The following LRP1B variants were observed in gnomAD, a reference collection of about 807,000 sequenced individuals.
The protein encoded by LRP1B is low-density lipoprotein receptor-related protein 1B.
Under a neutral mutation model 556.6 loss-of-function variants are expected in LRP1B, and 217 were observed. The observed-to-expected ratio is 0.39, with a 90% CI of 0.35 to 0.44. The LOEUF (loss-of-function observed/expected upper bound fraction) is 0.44, where lower values mean the gene tolerates loss of function less well. Ranked by LOEUF, LRP1B falls within the 20% of genes least tolerant of loss-of-function variation. LRP1B has a pLI of 1.00. For missense variants in LRP1B, 5,053 were observed against 5,620.8 expected (o/e 0.90, Z 3.23); for synonymous variants, 2,047 against 1,865.8 (o/e 1.10, Z -2.50).
In LRP1B at chr2:142,015,732, G is replaced by A. The variant is rs563124890; in HGVS notation, c.82+114916C>T. Among the ~76,000 whole-genome samples, 137 of 152,010 alleles carry A rather than the reference G, an allele frequency of 9.0e-4. No individual in the cohort carries two copies. In the Middle Eastern group the frequency reaches 0.017, roughly 19 times the overall value. ...GAAGGGGCCAGGCACAGTGGCTCACGTCTGTAATCCCAGCACTTTGGGAGG... is the reference window on the plus strand; with the variant it reads ...GAAGGGGCCAGGCACAGTGGCTCACATCTGTAATCCCAGCACTTTGGGAGG... On this transcript the variant is annotated intron_variant, in intron 1 of 90. Transcript: ENST00000389484.
intron 86 of LRP1B, among the ~76,000 whole-genome samples, chr2:140,253,255 CAGAA>C (rs1487392406): frequency 2.6e-5 from 4 of 151,826 alleles, no homozygotes; most frequent in African/African-American, 9.7e-5. Context: ...AAAATTTGAT[CAGAA>C]AGAGTTTTTG....
chr2:141,592,067 C>T, intron 2 of LRP1B, among the ~76,000 whole-genome samples: 1 of 152,086 alleles, frequency 6.6e-6, no homozygotes, highest in East Asian at 1.9e-4. Flanking sequence ...TGCCCCACCA[C>T]TCCCCTCAAC....
chr2:141,418,432 A>ATT (rs373970330), intron 3 of LRP1B, among the ~76,000 whole-genome samples: 4,147 of 140,860 alleles, frequency 0.029, 245 homozygotes, highest in African/African-American at 0.1. Context: ...AGAGCACAAT[A>ATT]TTTTTTTTTT....
At position 140,344,877 on chromosome 2, in the gene LRP1B, G is replaced by A. The variant is rs1220045326; in HGVS notation, c.11892+5920C>T. On this transcript the variant is annotated intron_variant, in intron 77 of 90. Coordinates refer to ENST00000389484, the MANE Select transcript of LRP1B (RefSeq NM_018557.3). ...TAAGAGGGGTGAAGAACAGGAGCAA[G>A]CAAAAGAGACTGAGTAAGTGAGGGG... Among the ~76,000 whole-genome samples, 3 of 151,550 alleles carry A rather than the reference G, an allele frequency of 2.0e-5. No individual in the cohort carries two copies. In the East Asian group the frequency reaches 5.9e-4, roughly 30 times the overall value.
chr2:140,879,151 T>C (rs1056818402), intron 25 of LRP1B, among the ~76,000 whole-genome samples: 3 of 152,218 alleles, frequency 2.0e-5, no homozygotes, highest in African/African-American at 7.2e-5. Flanking sequence ...AGACTTCTGA[T>C]GCATCATCTT....
intron 3 of LRP1B, among the ~76,000 whole-genome samples, chr2:141,260,094 T>C (rs2105349813): frequency 6.6e-6 from 1 of 152,278 alleles, no homozygotes; most frequent in East Asian, 1.9e-4. Context: ...TCTTGATGTC[T>C]CCTGGAGAAG....
chr2:141,209,802 T>C, intron 6 of LRP1B, among the ~76,000 whole-genome samples: 1 of 151,942 alleles, frequency 6.6e-6, no homozygotes, highest in East Asian at 1.9e-4. Context: ...GCCCTCAAAC[T>C]CACAGACACA....
intron 7 of LRP1B, among the ~76,000 whole-genome samples, chr2:141,182,907 A>C (rs912222019): frequency 1.3e-5 from 2 of 151,972 alleles, no homozygotes; most frequent in Non-Finnish European, 2.9e-5. Flanking sequence ...AAATGTAAAT[A>C]AGCATTTTAA....
In LRP1B at chr2:141,698,519, AT is replaced by A. The variant is rs140513237; in HGVS notation, c.205+111759del. On this transcript the variant is annotated intron_variant, in intron 2 of 90. Coordinates refer to ENST00000389484, the MANE Select transcript of LRP1B (RefSeq NM_018557.3). The stretch of plus-strand genomic sequence containing the variant: ...AAAAAAAAAAAAAAAGAGTTTGACT[AT>A]TTTTTGCTTTTGACAGATTGAAACA... Among the ~76,000 whole-genome samples the A allele has an allele frequency of 1.5e-3, 234 of 151,064 alleles. 1 individual carries two copies. Among genetic ancestry groups the A allele is most frequent in the African/African-American group, 5.4e-3 (224 of 41,222 alleles).
At chr2:141,258,556 C>A (rs1006377621) in intron 3 of LRP1B, among the ~76,000 whole-genome samples, 2 of 152,244 alleles carry the variant, frequency 1.3e-5, no homozygotes, top group Middle Eastern at 6.8e-3. Context: ...TGACACAGAT[C>A]CACTTTGTTC....
At chr2:141,997,805 G>A (rs1194486178) in intron 1 of LRP1B, among the ~76,000 whole-genome samples, 1 of 151,846 alleles carries the variant, frequency 6.6e-6, no homozygotes, top group Non-Finnish European at 1.5e-5. Context: ...TGCTGCATAA[G>A]GGACCTAAAA....
intron 1 of LRP1B, among the ~76,000 whole-genome samples, chr2:142,060,785 T>C (rs9941695): frequency 0.59 from 89,460 of 151,930 alleles, 28,075 homozygotes; most frequent in East Asian, 0.69. Flanking sequence ...TTCCAATTTG[T>C]AAAATCAGCT....
rs1229792066 is a variant in LRP1B at position 140,503,103 on chromosome 2, C to T, written c.8522G>A (p.Gly2841Glu). The change falls in exon 54 of 91, where the codon GGA becomes GAA. Residue 2841 changes from glycine (G) to glutamate (E), a missense_variant and splice_region_variant. By Grantham distance (98) the Gly-to-Glu change is moderately conservative. Coordinates refer to ENST00000389484, the MANE Select transcript of LRP1B (RefSeq NM_018557.3). ...GDGSDESPQC[G>E]YRQCGTEEFS... ...TTCTTCTGTACCACACTGTCGATAT[C>T]CTAGAGACGCAGAAAAAACATTTGA... The T allele has an allele frequency of 6.2e-7, 1 of 1,612,126 alleles. No homozygotes were observed. Among genetic ancestry groups the T allele is most frequent in the East Asian group, 2.2e-5 (1 of 44,824 alleles).
chr2:142,009,957 T>C (rs1702904886), intron 1 of LRP1B, among the ~76,000 whole-genome samples: 1 of 152,176 alleles, frequency 6.6e-6, no homozygotes, highest in South Asian at 2.1e-4. Context: ...TACTGTTGTA[T>C]AGAGATATGA....
intron 3 of LRP1B, among the ~76,000 whole-genome samples, chr2:141,256,829 A>C (rs971055676): frequency 6.6e-6 from 1 of 152,010 alleles, no homozygotes; most frequent in Admixed American, 6.6e-5. Flanking sequence ...TCTGTAGTGG[A>C]GATATCAATT....
intron 7 of LRP1B, among the ~76,000 whole-genome samples, chr2:141,129,950 C>T (rs1002503699): frequency 6.7e-6 from 1 of 149,812 alleles, no homozygotes; most frequent in Non-Finnish European, 1.5e-5. Context: ...ACAAAGTTAT[C>T]ATGGACTAGA....
At chr2:140,615,262 C>T (rs1683216271) in intron 41 of LRP1B, among the ~76,000 whole-genome samples, 1 of 152,104 alleles carries the variant, frequency 6.6e-6, no homozygotes, top group Non-Finnish European at 1.5e-5. Context: ...GAAACTGACT[C>T]AGTGTAAAAA....
intron 71 of LRP1B, among the ~76,000 whole-genome samples, chr2:140,365,787 G>T (rs1682734852): frequency 6.6e-6 from 1 of 151,604 alleles, no homozygotes; most frequent in African/African-American, 2.4e-5. Context: ...TACAATTCAT[G>T]GGTTGTCTAG....
chr2:141,095,653 A>G (rs1049529752), intron 7 of LRP1B, among the ~76,000 whole-genome samples: 3 of 151,904 alleles, frequency 2.0e-5, no homozygotes, highest in African/African-American at 7.3e-5. Context: ...ATTTTTTTAT[A>G]TATATCCTAG....
Sources: gnomAD v4.1 joint callset for allele counts (sites outside exome capture counted in the v4.1 genomes callset) on GRCh38, gnomAD v4.1.1 for gene constraint, MANE v1.5 for transcripts, NCBI Gene and HGNC (gene_info 2026-07-23, HGNC 2026-07-21) for gene names.